The following NCAM1 variants were observed in gnomAD, a reference collection of about 807,000 sequenced individuals.
The protein encoded by NCAM1 is antigen recognized by monoclonal antibody 5.1H11.
A neutral mutation model predicts 109.8 loss-of-function variants in NCAM1; 14 were observed. The ratio of observed to expected loss-of-function variants is 0.13; its 90% CI spans 0.08 to 0.20. NCAM1 has a LOEUF of 0.20. NCAM1 is among the 10% of genes least tolerant of loss of function. The pLI is 1.00. For synonymous variants in NCAM1, 418 were observed against 442.9 expected (o/e 0.94, Z 0.70); for missense variants, 774 against 1,109.9 (o/e 0.70, Z 4.30).
rs1468496533 is a variant in NCAM1, at chr11:113,210,813, CACACACACAT to C, written c.916+2813_916+2822del. 1.3e-3 allele frequency among the ~76,000 whole-genome samples: 187 copies of C among 149,398 alleles called. 1 individual carries two copies. Among genetic ancestry groups the C allele is most frequent in the African/African-American group, 4.3e-3 (174 of 40,828 alleles). On this transcript the variant is annotated intron_variant, in intron 7 of 19. Coordinates refer to ENST00000316851, the MANE Select transcript of NCAM1 (RefSeq NM_181351.5). The stretch of plus-strand genomic sequence containing the variant: ...ACACACACACACACACACACACACA[CACACACACAT>C]ATTTCACAATTTCTTTCCCGAAACT...
intron 1 of NCAM1, among the ~76,000 whole-genome samples, chr11:112,991,554 A>G (rs2134827807): frequency 6.6e-6 from 1 of 152,176 alleles, no homozygotes; most frequent in South Asian, 2.1e-4. Flanking sequence ...GAGATTATTG[A>G]GTTTACCCAA....
chr11:113,184,508 T>G (rs1335150362), intron 1 of NCAM1, among the ~76,000 whole-genome samples: 1 of 152,202 alleles, frequency 6.6e-6, no homozygotes, highest in Non-Finnish European at 1.5e-5. Flanking sequence ...AACTCAGAAT[T>G]TCTAAAGACT....
intron 1 of NCAM1, among the ~76,000 whole-genome samples, chr11:113,094,321 A>T (rs753606245): frequency 6.6e-6 from 1 of 152,226 alleles, no homozygotes; most frequent in African/African-American, 2.4e-5. Context: ...GACGATAGAC[A>T]TCAGGCTGAT....
At chr11:113,121,346 A>G (rs1591343992) in intron 1 of NCAM1, among the ~76,000 whole-genome samples, 1 of 149,342 alleles carries the variant, frequency 6.7e-6, no homozygotes, top group African/African-American at 2.5e-5. Flanking sequence ...TCAGTCTCCC[A>G]AGTAGCTGGG....
intron 1 of NCAM1, among the ~76,000 whole-genome samples, chr11:113,154,331 C>T (rs1229128775): frequency 6.6e-6 from 1 of 152,120 alleles, no homozygotes; most frequent in Non-Finnish European, 1.5e-5. Context: ...TGGTTGAGGA[C>T]AGATGTGGGG....
chr11:113,185,105 G>A (rs1359606050), intron 1 of NCAM1, among the ~76,000 whole-genome samples: 19 of 144,370 alleles, frequency 1.3e-4, no homozygotes, highest in African/African-American at 4.9e-4. Flanking sequence ...GAGAGAGAGA[G>A]AGAGAGAGAT....
intron 1 of NCAM1, among the ~76,000 whole-genome samples, chr11:113,083,208 C>T (rs1236977487): frequency 1.3e-5 from 2 of 152,164 alleles, no homozygotes; most frequent in African/African-American, 4.8e-5. Context: ...CACTACTAAA[C>T]TCTTTACATC....
intron 1 of NCAM1, among the ~76,000 whole-genome samples, chr11:113,108,061 A>G (rs1591331754): frequency 6.6e-6 from 1 of 152,336 alleles, no homozygotes; most frequent in East Asian, 1.9e-4. Context: ...TCAATTGAAG[A>G]TGAATTAAAC....
At chr11:113,018,192 A>C (rs930223201) in intron 1 of NCAM1, among the ~76,000 whole-genome samples, 2 of 149,464 alleles carry the variant, frequency 1.3e-5, no homozygotes, top group African/African-American at 2.5e-5. Context: ...TAAAAAAAAA[A>C]CACACACATT....
intron 1 of NCAM1, among the ~76,000 whole-genome samples, chr11:113,017,093 G>C (rs1418993561): frequency 6.6e-6 from 1 of 152,158 alleles, no homozygotes; most frequent in Non-Finnish European, 1.5e-5. Flanking sequence ...AACAACCTAT[G>C]AATCAGAGGA....
intron 1 of NCAM1, among the ~76,000 whole-genome samples, chr11:113,048,894 T>C (rs1953362164): frequency 1.3e-5 from 2 of 152,198 alleles, no homozygotes. Flanking sequence ...CTCTGCTTGG[T>C]TTACAATCCT....
At chr11:112,999,240 T>G (rs1246528370) in intron 1 of NCAM1, among the ~76,000 whole-genome samples, 2 of 152,198 alleles carry the variant, frequency 1.3e-5, no homozygotes, top group African/African-American at 4.8e-5. Context: ...CAAAAGACCT[T>G]CACTCCTCTA....
intron 1 of NCAM1, among the ~76,000 whole-genome samples, chr11:112,979,507 A>G (rs1951094660): frequency 1.3e-5 from 2 of 151,852 alleles, no homozygotes; most frequent in Non-Finnish European, 2.9e-5. Flanking sequence ...CAAGGAAACA[A>G]CTATAGAAAA....
At chr11:113,252,509 A>C (rs534692516) in intron 15 of NCAM1, among the ~76,000 whole-genome samples, 1 of 152,240 alleles carries the variant, frequency 6.6e-6, no homozygotes, top group African/African-American at 2.4e-5. Context: ...CATTTGGCAA[A>C]CAAAATGGTG....
intron 8 of NCAM1, among the ~76,000 whole-genome samples, chr11:113,220,142 T>C (rs545328584): frequency 2.6e-5 from 4 of 152,274 alleles, no homozygotes; most frequent in Admixed American, 6.5e-5. Flanking sequence ...TGAATCCTAG[T>C]ATGAAAAACA....
intron 1 of NCAM1, among the ~76,000 whole-genome samples, chr11:112,994,629 C>T (rs1331310329): frequency 4.6e-5 from 7 of 152,150 alleles, no homozygotes; most frequent in African/African-American, 1.4e-4. Flanking sequence ...TAACTTATTT[C>T]TTAGTCCCCA....
intron 8 of NCAM1, among the ~76,000 whole-genome samples, chr11:113,220,083 C>T (rs4646981): frequency 0.082 from 12,469 of 152,188 alleles, 656 homozygotes; most frequent in Middle Eastern, 0.16. Flanking sequence ...CAGAGACAAT[C>T]GGGCAGTCTT....
chr11:112,964,108 AC>A (rs1950652392), intron 1 of NCAM1, among the ~76,000 whole-genome samples: 1 of 150,948 alleles, frequency 6.6e-6, no homozygotes, highest in Non-Finnish European at 1.5e-5. Context: ...AAGTATATAT[AC>A]ATATGTATAT....
intron 1 of NCAM1, among the ~76,000 whole-genome samples, chr11:113,101,195 G>A (rs1358211473): frequency 6.6e-6 from 1 of 152,104 alleles, no homozygotes; most frequent in Non-Finnish European, 1.5e-5. Context: ...CTGCCTTGGT[G>A]TACTCACTTA....
Sources: gnomAD v4.1 joint callset for allele counts (sites outside exome capture counted in the v4.1 genomes callset) on GRCh38, gnomAD v4.1.1 for gene constraint, MANE v1.5 for transcripts, NCBI Gene and HGNC (gene_info 2026-07-23, HGNC 2026-07-21) for gene names.